LYPD6B: variants seen among roughly 807,000 people sequenced by gnomAD.
LYPD6B encodes LY6/PLAUR domain containing 6B, also known as ly6/PLAUR domain-containing protein 6B.
In LYPD6B, 17 loss-of-function variants were observed where a neutral mutation model predicts 22.8. The observed-to-expected ratio is 0.75, with a 90% CI of 0.51 to 1.12. LYPD6B has a LOEUF of 1.12. Among genes scored for constraint, LYPD6B ranks in the 50% most tolerant of loss-of-function variants. The pLI, the probability that LYPD6B is intolerant of heterozygous loss-of-function variation, is 0.00. For missense variants in LYPD6B, 221 were observed against 258.3 expected (o/e 0.86, Z 0.99); for synonymous variants, 106 against 91.6 (o/e 1.16, Z -0.90).
At chr2:149,160,403 C>T (rs1169104067) in intron 2 of LYPD6B, 17 of 462,590 alleles carry the variant, frequency 3.7e-5, no homozygotes, top group South Asian at 2.3e-4. Context: ...CTGCCAAATA[C>T]CCTGATATAT....
At position 149,152,000 on chromosome 2, in the gene LYPD6B, CACTCTCCG is replaced by C. The variant is rs1689410200; in HGVS notation, c.6-8761_6-8754del. Among the ~76,000 whole-genome samples the C allele has an allele frequency of 1.2e-4, 19 of 152,276 alleles. No homozygotes were observed. In the South Asian group the frequency reaches 3.9e-3, roughly 32 times the overall value. On this transcript the variant is annotated intron_variant, in intron 2 of 6. Transcript: ENST00000409642. ...GGTTCTGTATTTAACTCTTTTCCCT[CACTCTCCG>C]ACATTTGCTCATCAAAATATTGTTT...
At chr2:149,044,650 A>G (rs1423109167) in intron 1 of LYPD6B, among the ~76,000 whole-genome samples, 1 of 152,050 alleles carries the variant, frequency 6.6e-6, no homozygotes, top group Non-Finnish European at 1.5e-5. Context: ...GTTGAATAGC[A>G]GTGATAAGAG....
chr2:149,187,493 A>C, intron 3 of LYPD6B: 1 of 1,511,736 alleles, frequency 6.6e-7, no homozygotes, highest in Non-Finnish European at 8.8e-7. Flanking sequence ...TGCAGAAGAG[A>C]TATTTTCAGC....
chr2:149,109,240 G>A (rs1434777114), intron 1 of LYPD6B, among the ~76,000 whole-genome samples: 1 of 152,076 alleles, frequency 6.6e-6, no homozygotes, highest in African/African-American at 2.4e-5. Context: ...TAAAGCTTTT[G>A]TATCATACGT....
At chr2:149,163,890 A>G (rs1295599501) in intron 3 of LYPD6B, among the ~76,000 whole-genome samples, 1 of 152,218 alleles carries the variant, frequency 6.6e-6, no homozygotes, top group African/African-American at 2.4e-5. Context: ...CAAATTTATT[A>G]TATGCATGAG....
chr2:149,195,749 T>C (rs1053325198), intron 3 of LYPD6B, among the ~76,000 whole-genome samples: 1 of 152,258 alleles, frequency 6.6e-6, no homozygotes, highest in African/African-American at 2.4e-5. Flanking sequence ...AATCTCTGTA[T>C]TGAGCTTTCT....
chr2:149,140,824 C>T (rs2105767422), intron 2 of LYPD6B, among the ~76,000 whole-genome samples: 1 of 152,280 alleles, frequency 6.6e-6, no homozygotes, highest in East Asian at 1.9e-4. Flanking sequence ...AAACTTTTCT[C>T]CATTTGTCCC....
rs1388592430 is a variant in LYPD6B, at chr2:149,091,708, T to C, written c.-66-39175T>C. Among the ~76,000 whole-genome samples, 14 of 152,174 alleles carry C rather than the reference T, an allele frequency of 9.2e-5. 1 individual carries two copies. The highest frequency in any genetic ancestry group is 4.4e-5 in the Non-Finnish European group (3 of 68,034). On this transcript the variant is annotated intron_variant, in intron 1 of 6. Coordinates refer to ENST00000409642, the MANE Select transcript of LYPD6B (RefSeq NM_177964.5). ...TTATATTCTTCTTGTCATCAACTTA[T>C]TTATCCATCATTCCACCCATAAACC...
At chr2:149,099,812 T>A (rs939136805) in intron 1 of LYPD6B, among the ~76,000 whole-genome samples, 3 of 152,334 alleles carry the variant, frequency 2.0e-5, no homozygotes, top group Admixed American at 1.3e-4. Flanking sequence ...GACTATTGTC[T>A]ATGATATTGA....
intron 1 of LYPD6B, among the ~76,000 whole-genome samples, chr2:149,050,578 G>A (rs1398650611): frequency 6.6e-6 from 1 of 152,140 alleles, no homozygotes; most frequent in East Asian, 1.9e-4. Flanking sequence ...ACAGTTTTTA[G>A]GCAACTACAG....
At chr2:149,060,334 A>T (rs912925721) in intron 1 of LYPD6B, among the ~76,000 whole-genome samples, 4 of 152,246 alleles carry the variant, frequency 2.6e-5, no homozygotes, top group African/African-American at 9.6e-5. Context: ...TAAAAATCCT[A>T]TCTGTCTTGT....
At chr2:149,048,646 G>A (rs139111241) in intron 1 of LYPD6B, among the ~76,000 whole-genome samples, 44 of 152,252 alleles carry the variant, frequency 2.9e-4, no homozygotes, top group African/African-American at 1.0e-3. Flanking sequence ...CTTTGCCTCA[G>A]TTTTCTCATG....
At chr2:149,174,583 T>C (rs1355702471) in intron 3 of LYPD6B, among the ~76,000 whole-genome samples, 1 of 152,200 alleles carries the variant, frequency 6.6e-6, no homozygotes, top group African/African-American at 2.4e-5. Flanking sequence ...ATTGAGAGTT[T>C]TTAACATGAA....
At chr2:149,199,720 T>C (rs2106112703) in intron 3 of LYPD6B, among the ~76,000 whole-genome samples, 1 of 152,220 alleles carries the variant, frequency 6.6e-6, no homozygotes, top group South Asian at 2.1e-4. Flanking sequence ...ATTAAAATAA[T>C]TCATATTTAA....
At chr2:149,189,356 AT>A (rs1692339170) in intron 3 of LYPD6B, among the ~76,000 whole-genome samples, 1 of 83,234 alleles carries the variant, frequency 1.2e-5, no homozygotes, top group African/African-American at 3.6e-5. Context: ...ATATATATAT[AT>A]ATATATATAT....
At chr2:149,123,821 CT>C (rs1687525976) in intron 1 of LYPD6B, among the ~76,000 whole-genome samples, 1 of 152,224 alleles carries the variant, frequency 6.6e-6, no homozygotes, top group South Asian at 2.1e-4. Flanking sequence ...GATTGCGCCA[CT>C]GCACTCCAGC....
chr2:149,164,789 G>A (rs1690313378), intron 3 of LYPD6B, among the ~76,000 whole-genome samples: 1 of 152,172 alleles, frequency 6.6e-6, no homozygotes, highest in Admixed American at 6.5e-5. Context: ...ACCTTGTGAT[G>A]GTTGGTAAAC....
At chr2:149,128,853 G>A (rs1231966714) in intron 1 of LYPD6B, among the ~76,000 whole-genome samples, 1 of 152,138 alleles carries the variant, frequency 6.6e-6, no homozygotes, top group Non-Finnish European at 1.5e-5. Flanking sequence ...CTTTGCTTTT[G>A]AGAGACTGCT....
At chr2:149,089,955 C>T (rs1427383515) in intron 1 of LYPD6B, among the ~76,000 whole-genome samples, 1 of 152,188 alleles carries the variant, frequency 6.6e-6, no homozygotes, top group African/African-American at 2.4e-5. Context: ...AATCTTGGCC[C>T]TCTGTGCTCA....
Sources: gnomAD v4.1 joint callset for allele counts (sites outside exome capture counted in the v4.1 genomes callset) on GRCh38, gnomAD v4.1.1 for gene constraint, MANE v1.5 for transcripts, NCBI Gene and HGNC (gene_info 2026-07-23, HGNC 2026-07-21) for gene names.